RARS2: variants seen among roughly 807,000 people sequenced by gnomAD.
RARS2 encodes the protein probable arginine--tRNA ligase, mitochondrial.
A neutral mutation model predicts 88.5 loss-of-function variants in RARS2; 67 were observed. The ratio of observed to expected loss-of-function variants is 0.76; its 90% CI spans 0.62 to 0.93. RARS2 has a LOEUF of 0.93. Ranked by LOEUF, RARS2 falls within the 40% of genes least tolerant of loss-of-function variation. The pLI, the probability that RARS2 is intolerant of heterozygous loss-of-function variation, is 0.00. For missense variants in RARS2, 664 were observed against 684.2 expected, an observed-to-expected ratio of 0.97 and a Z score of 0.33; for synonymous variants, 239 against 230.3, an observed-to-expected ratio of 1.04 and a Z score of -0.34.
intron 7 of RARS2, among the ~76,000 whole-genome samples, chr6:87,544,594 T>C (rs1025626833): frequency 3.9e-5 from 6 of 152,212 alleles, no homozygotes; most frequent in East Asian, 1.9e-4. Flanking sequence ...AAAATACACA[T>C]GGTGGTAACA....
chr6:87,579,671 A>AGC (rs1186695087), intron 1 of RARS2, among the ~76,000 whole-genome samples: 1 of 143,470 alleles, frequency 7.0e-6, no homozygotes, highest in Middle Eastern at 3.3e-3. Context: ...AAAGAGAGAG[A>AGC]GAGAGAAAAT....
Position 87,569,513 on chromosome 6 carries a change from T to C in RARS2, c.110+4A>G, listed in dbSNP as rs1647525934. 6.3e-7 allele frequency: 1 copy of C among 1,580,088 alleles called. No individual in the cohort carries two copies. Among genetic ancestry groups the C allele is most frequent in the Non-Finnish European group, 8.7e-7 (1 of 1,149,316 alleles). On this transcript the variant is annotated splice_donor_region_variant and intron_variant, in intron 2 of 19. Coordinates refer to ENST00000369536, the MANE Select transcript of RARS2 (RefSeq NM_020320.5). The stretch of plus-strand genomic sequence containing the variant: ...TAGATTGTTACAAGTGTATTATACT[T>C]AACTCTTTTTGGGAAATTGGAACTG...
rs151035781 is a variant in RARS2, at chr6:87,557,149, CAT to C, written c.298-1646_298-1645del. 9.0e-3 allele frequency among the ~76,000 whole-genome samples: 1,374 copies of C among 152,216 alleles called. 21 individuals carry two copies. Among genetic ancestry groups the C allele is most frequent in the African/African-American group, 0.031 (1,279 of 41,520 alleles). ...TACAGTACCCGTTGTCTTTAAGCCTCATAATCTTAAAGATGGGCAACATTTCC... is the reference window on the plus strand; with the variant it reads ...TACAGTACCCGTTGTCTTTAAGCCTCAATCTTAAAGATGGGCAACATTTCC... On this transcript the variant is annotated intron_variant, in intron 4 of 19. Transcript: ENST00000369536.
intron 7 of RARS2, among the ~76,000 whole-genome samples, chr6:87,542,840 G>A (rs1476321394): frequency 2.6e-5 from 4 of 151,402 alleles, no homozygotes; most frequent in Admixed American, 6.6e-5. Context: ...GGGAGGGATA[G>A]CATTAGGAGA....
intron 2 of RARS2, 113 bp from the exon 3 acceptor site, chr6:87,564,345 T>A (rs1019634112): frequency 2.5e-6 from 2 of 809,572 alleles, no homozygotes; most frequent in Non-Finnish European, 4.1e-6. Flanking sequence ...CAGAAGAAGG[T>A]GTTATGTGTA....
At chr6:87,579,177 T>C (rs567440491) in intron 1 of RARS2, among the ~76,000 whole-genome samples, 3 of 152,114 alleles carry the variant, frequency 2.0e-5, no homozygotes, top group South Asian at 2.1e-4. Flanking sequence ...GAGTCTTCCA[T>C]GGTCAATGTT....
At chr6:87,576,618 G>A (rs1771659838) in intron 1 of RARS2, among the ~76,000 whole-genome samples, 1 of 152,110 alleles carries the variant, frequency 6.6e-6, no homozygotes, top group Admixed American at 6.5e-5. Flanking sequence ...TGTAAGGTAA[G>A]AGTTTGCCAG....
intron 5 of RARS2, among the ~76,000 whole-genome samples, chr6:87,550,533 C>CA (rs5878035): frequency 0.065 from 9,765 of 150,166 alleles, 392 homozygotes; most frequent in African/African-American, 0.12. Context: ...AAAAGTAAAG[C>CA]AAAAAAAATC....
At chr6:87,574,981 T>C (rs3934838) in intron 1 of RARS2, among the ~76,000 whole-genome samples, 92,377 of 151,702 alleles carry the variant, frequency 0.61, 28,942 homozygotes, top group African/African-American at 0.75. Context: ...ATTGGTGTCC[T>C]TAAAATACAA....
At chr6:87,566,444 GA>G (rs1767891704) in intron 2 of RARS2, among the ~76,000 whole-genome samples, 1 of 152,066 alleles carries the variant, frequency 6.6e-6, no homozygotes, top group African/African-American at 2.4e-5. Context: ...ATTTCCTTAA[GA>G]AGATTATCTG....
chr6:87,529,802 T>C (rs1776860690), intron 9 of RARS2, among the ~76,000 whole-genome samples, 154 bp from the exon 10 acceptor site: 1 of 151,810 alleles, frequency 6.6e-6, no homozygotes, highest in Non-Finnish European at 1.5e-5. Context: ...ATGCCCATAA[T>C]CCCAGCACTT....
At chr6:87,542,988 C>T (rs761553438) in intron 7 of RARS2, among the ~76,000 whole-genome samples, 4 of 151,806 alleles carry the variant, frequency 2.6e-5, no homozygotes, top group East Asian at 1.9e-4. Context: ...AAAAGAGGAA[C>T]ATTAGTTTTA....
intron 1 of RARS2, among the ~76,000 whole-genome samples, chr6:87,575,246 CA>C (rs1771065746): frequency 6.9e-6 from 1 of 144,644 alleles, no homozygotes; most frequent in African/African-American, 2.8e-5. Context: ...CACACACACA[CA>C]CACACACACA....
Position 87,518,248 on chromosome 6 carries a change from C to G in RARS2, c.1432G>C (p.Gly478Arg). The change falls in exon 17 of 20, where the codon GGA becomes CGA. Residue 478 changes from glycine to arginine, a missense_variant. Coordinates refer to ENST00000369536, the MANE Select transcript of RARS2 (RefSeq NM_020320.5). Reference protein sequence around the residue: ...ARLHSLEETFGCGYLNDFNTA... With the variant: ...ARLHSLEETFRCGYLNDFNTA... ...TTGAAGTCATTCAGGTACCCACATC[C>G]AAAAGTCTCTTCCAAACTTATCAAA... 1 of 1,614,132 alleles carries G rather than the reference C, an allele frequency of 6.2e-7. No homozygotes were observed. The highest frequency in any genetic ancestry group is 8.5e-7 in the Non-Finnish European group (1 of 1,180,008).
At chr6:87,517,551 C>T (rs1428469133) in intron 17 of RARS2, among the ~76,000 whole-genome samples, 3 of 152,160 alleles carry the variant, frequency 2.0e-5, no homozygotes, top group Non-Finnish European at 2.9e-5. Context: ...CCCTATTGTA[C>T]ATGTGAGTAA....
At chr6:87,523,271 C>G (rs2128028331) in intron 11 of RARS2, among the ~76,000 whole-genome samples, 1 of 152,266 alleles carries the variant, frequency 6.6e-6, no homozygotes, top group Admixed American at 6.5e-5. Context: ...TAGTCCAGAT[C>G]TCTCATTTCA....
chr6:87,542,204 G>C (rs1214876013), intron 7 of RARS2, among the ~76,000 whole-genome samples: 1 of 152,124 alleles, frequency 6.6e-6, no homozygotes, highest in East Asian at 1.9e-4. Flanking sequence ...ATACTGAATA[G>C]ATCACTGAAA....
chr6:87,532,078 G>C (rs1777695701), intron 8 of RARS2, among the ~76,000 whole-genome samples: 1 of 152,072 alleles, frequency 6.6e-6, no homozygotes, highest in Non-Finnish European at 1.5e-5. Context: ...ATACCCACTA[G>C]ATACTACCAA....
chr6:87,540,992 T>C (rs755385928), intron 8 of RARS2, among the ~76,000 whole-genome samples: 5 of 152,106 alleles, frequency 3.3e-5, no homozygotes, highest in African/African-American at 7.3e-5. Context: ...ATACAGTTAT[T>C]ACCACGAAAA....
Sources: gnomAD v4.1 joint callset for allele counts (sites outside exome capture counted in the v4.1 genomes callset) on GRCh38, gnomAD v4.1.1 for gene constraint, MANE v1.5 for transcripts, NCBI Gene and HGNC (gene_info 2026-07-23, HGNC 2026-07-21) for gene names.